The following TRIM3 variants were observed in gnomAD, a reference collection of about 807,000 sequenced individuals.
TRIM3 encodes tripartite motif-containing protein 3.
A neutral mutation model predicts 66.6 loss-of-function variants in TRIM3; 13 were observed. The observed-to-expected ratio is 0.20, with a 90% CI of 0.13 to 0.31. The LOEUF is 0.31. TRIM3 is among the 10% of genes least tolerant of loss of function. TRIM3 has a pLI of 1.00. For missense variants in TRIM3, 711 were observed against 1,020.4 expected (o/e 0.70, Z 4.13); for synonymous variants, 406 against 411.7 (o/e 0.99, Z 0.17).
Position 6,451,572 on chromosome 11 carries a change from C to A in TRIM3, c.1534-134G>T, listed in dbSNP as rs575118326. 1.6e-5 allele frequency: 15 copies of A among 910,484 alleles called. No homozygotes were observed. The South Asian group carries it at 2.5e-4, about 15-fold the overall frequency. 56.4% of individuals were successfully genotyped at this position (910,484 alleles called of 1,614,324 possible). On this transcript the variant is annotated intron_variant, in intron 7 of 11. Transcript: ENST00000345851. ...CAGTCATTCAACAAGCACTTACTGACAAAATCAAACATGGCAGCAGGTCTG... is the reference window on the plus strand; with the variant it reads ...CAGTCATTCAACAAGCACTTACTGAAAAAATCAAACATGGCAGCAGGTCTG...
chr11:6,453,035 T>C (rs1181746976), intron 7 of TRIM3: 4 of 152,230 alleles, frequency 2.6e-5, no homozygotes, highest in Non-Finnish European at 4.4e-5. Context: ...ATTATCACTT[T>C]GCAGCTAAAT....
rs1355063146 is a variant in TRIM3, at chr11:6,450,454, T to C, written c.1941+97A>G. Reference sequence around the variant, plus strand: ...AAATGTGTATTGTTTGAGTGAATGATCTCAAAGGGGAAAAGGAGGAGGTAA... The same window carrying C: ...AAATGTGTATTGTTTGAGTGAATGACCTCAAAGGGGAAAAGGAGGAGGTAA... On this transcript the variant is annotated intron_variant, in intron 10 of 11. Coordinates refer to ENST00000345851, the MANE Select transcript of TRIM3 (RefSeq NM_033278.4). The surrounding 1 kb of genome is among the most constrained non-coding windows in gnomAD (Gnocchi z 4.8). 2.3e-5 allele frequency: 25 copies of C among 1,066,642 alleles called. No homozygotes were observed. The highest frequency in any genetic ancestry group is 3.2e-5 in the Non-Finnish European group (22 of 688,462). 66.1% of individuals were successfully genotyped at this position (1,066,642 alleles called of 1,614,324 possible). A position where few individuals can be genotyped will look rare whatever the true frequency, so the allele number is the denominator to read the frequency against.
At chr11:6,464,311 C>G (rs1414850561) in intron 2 of TRIM3, among the ~76,000 whole-genome samples, 1 of 152,162 alleles carries the variant, frequency 6.6e-6, no homozygotes, top group Non-Finnish European at 1.5e-5. Flanking sequence ...CATATTTTCT[C>G]ATGTCACATG....
At position 6,458,032 on chromosome 11, in the gene TRIM3, G is replaced by A. The variant is rs754197621; in HGVS notation, c.363+33C>T. Reference sequence around the variant, plus strand: ...GCCTCTCCTCCTCCTCCCACCCCAAGTCCCGGCCTCACTGGGCCTCGCTTG... The same window carrying A: ...GCCTCTCCTCCTCCTCCCACCCCAAATCCCGGCCTCACTGGGCCTCGCTTG... On this transcript the variant is annotated intron_variant, in intron 3 of 11. Transcript: ENST00000345851. The surrounding 1 kb of genome is among the most constrained non-coding windows in gnomAD (Gnocchi z 6.2). The A allele has an allele frequency of 6.4e-7, 1 of 1,574,664 alleles. No individual in the cohort carries two copies. The highest frequency in any genetic ancestry group is 1.2e-5 in the South Asian group (1 of 85,364).
chr11:6,473,270 A>C (rs894840823), intron 1 of TRIM3: 8 of 150,074 alleles, frequency 5.3e-5, no homozygotes, highest in African/African-American at 1.7e-4. Context: ...CAGCCTCCAC[A>C]TGAGGCTTTC....
At chr11:6,451,609 CAG>C (rs1849722493) in intron 7 of TRIM3, 171 bp from the exon 8 acceptor site, 2 of 650,588 alleles carry the variant, frequency 3.1e-6, no homozygotes, top group Non-Finnish European at 5.2e-6. Context: ...GGCAATGCAA[CAG>C]AGATATGAAT....
rs1429799800 is a variant in TRIM3, at chr11:6,458,196, T to C, written c.232A>G (p.Asn78Asp). 3.1e-6 allele frequency: 5 copies of C among 1,614,206 alleles called. No individual in the cohort carries two copies. The highest frequency in any genetic ancestry group is 4.2e-6 in the Non-Finnish European group (5 of 1,180,032). Residue 78 changes from asparagine to aspartate, a missense_variant, in exon 3 of 12, where the codon AAC (asparagine) becomes GAC (aspartate). This residue lies in a region of TRIM3 where 149 missense variants were observed against 240.3 expected (regional missense o/e 0.62). Transcript: ENST00000345851. The surrounding 1 kb of genome is among the most constrained non-coding windows in gnomAD (Gnocchi z 6.2). ...ATGAGGCTGCTGATGAAGAAGTTGT[T>C]CTGCAGTGCCGAGACGCCCTGCTCT... ...LPEQGVSALQ[N>D]NFFISSLMEA...
In TRIM3 at chr11:6,457,990, A is replaced by T. The variant is rs1356616584; in HGVS notation, c.363+75T>A. ...CAGAGCAGTACCCTGTCACCCAGCC[A>T]CTCGGCACCCCCCAATGCCTCTCCT... On this transcript the variant is annotated intron_variant, in intron 3 of 11. Coordinates refer to ENST00000345851, the MANE Select transcript of TRIM3 (RefSeq NM_033278.4). This position sits in a 1 kb window ranked among gnomAD's most constrained non-coding sequence, Gnocchi z 4.5. 3.2e-6 allele frequency: 5 copies of T among 1,538,590 alleles called. No individual in the cohort carries two copies. The African/African-American group carries it at 6.8e-5, about 21-fold the overall frequency.
At position 6,457,093 on chromosome 11, in the gene TRIM3, G is replaced by C. The variant is rs1850028816; in HGVS notation, c.697-64C>G. ...CACAGGGGGAGTCTCTGTGATTACT[G>C]AAGTTGTAGCACTGTGGCATAAAAT... On this transcript the variant is annotated intron_variant, in intron 5 of 11. Coordinates refer to ENST00000345851, the MANE Select transcript of TRIM3 (RefSeq NM_033278.4). The surrounding 1 kb of genome is among the most constrained non-coding windows in gnomAD (Gnocchi z 4.5). 4 of 1,545,330 alleles carry C rather than the reference G, an allele frequency of 2.6e-6. No homozygotes were observed. The South Asian group carries it at 4.9e-5, about 19-fold the overall frequency.
intron 1 of TRIM3, among the ~76,000 whole-genome samples, chr11:6,472,439 C>T (rs890271518): frequency 5.9e-5 from 9 of 151,554 alleles, no homozygotes; most frequent in South Asian, 2.1e-4. Context: ...CCTGCCCCCT[C>T]GCCCCCGTAA....
intron 1 of TRIM3, among the ~76,000 whole-genome samples, chr11:6,467,332 C>T (rs1850509869): frequency 6.6e-6 from 1 of 152,026 alleles, no homozygotes; most frequent in Non-Finnish European, 1.5e-5. Flanking sequence ...GAAGAAACAG[C>T]ATGATAAAGG....
chr11:6,450,798 G>T lies in TRIM3; in HGVS notation c.1870+94C>A. ...AGGGAAGTGGGATCTCCAGAGCCAA[G>T]ATATAGGAGGAGAGGGCCTTTACAG... On this transcript the variant is annotated intron_variant, in intron 9 of 11. Coordinates refer to ENST00000345851, the MANE Select transcript of TRIM3 (RefSeq NM_033278.4). This position sits in a 1 kb window ranked among gnomAD's most constrained non-coding sequence, Gnocchi z 4.8. 6.5e-7 allele frequency: 1 copy of T among 1,539,316 alleles called. No homozygotes were observed. The highest frequency in any genetic ancestry group is 8.9e-7 in the Non-Finnish European group (1 of 1,124,414).
chr11:6,459,882 T>C (rs372204401), intron 2 of TRIM3, among the ~76,000 whole-genome samples: 9 of 152,214 alleles, frequency 5.9e-5, no homozygotes, highest in African/African-American at 1.9e-4. Context: ...CTTGTCCTGG[T>C]TGAATTTACT....
At chr11:6,465,855 C>A in intron 1 of TRIM3, 123 bp from the exon 2 acceptor site, 1 of 794,798 alleles carries the variant, frequency 1.3e-6, no homozygotes, top group Non-Finnish European at 2.0e-6. Flanking sequence ...CAAGACAGGG[C>A]AGTGACTGGA....
At position 6,457,030 on chromosome 11, in the gene TRIM3, C is replaced by A; in HGVS notation, c.697-1G>T. The stretch of plus-strand genomic sequence containing the variant: ...GTGTGTCCAGCTGGCTTTGCAACAC[C>A]TGATGAGGGGTAGGGGAGGAGTGGG... On this transcript the variant is annotated splice_acceptor_variant, in intron 5 of 11. Transcript: ENST00000345851. LOFTEE classifies it high-confidence loss of function. This position sits in a 1 kb window ranked among gnomAD's most constrained non-coding sequence, Gnocchi z 4.5. 1 of 1,583,926 alleles carries A rather than the reference C, an allele frequency of 6.3e-7. No individual in the cohort carries two copies. Among genetic ancestry groups the A allele is most frequent in the Non-Finnish European group, 8.6e-7 (1 of 1,164,502 alleles).
intron 1 of TRIM3, among the ~76,000 whole-genome samples, chr11:6,469,533 C>T (rs112489177): frequency 2.8e-4 from 42 of 152,180 alleles, no homozygotes; most frequent in African/African-American, 9.9e-4. Flanking sequence ...GGTCTCAGAG[C>T]CAGACTTTAC....
rs1564968505 is a variant in TRIM3 at position 6,458,231 on chromosome 11, G to A, written c.197C>T (p.Ser66Phe). 6.2e-7 allele frequency: 1 copy of A among 1,614,258 alleles called. No individual in the cohort carries two copies. Among genetic ancestry groups the A allele is most frequent in the Admixed American group, 1.7e-5 (1 of 60,030 alleles). The change falls in exon 3 of 12, where the codon TCC (serine) becomes TTC (phenylalanine). Residue 66 changes from serine to phenylalanine, a missense_variant. Transcript: ENST00000345851. The surrounding 1 kb of genome is among the most constrained non-coding windows in gnomAD (Gnocchi z 6.2). ...CGAGACGCCCTGCTCTGGGAGGATG[G>A]ACGTCTGCCGGCATACTGGACAGGA... ...TLSCPVCRQT[S>F]ILPEQGVSAL... is the part of the protein sequence containing the mutation.
In TRIM3 at chr11:6,449,539, C is replaced by A; in HGVS notation, c.1942-93G>T. Reference sequence around the variant, plus strand: ...TAGGGTGAAGCCCCAGGGCTGAGAACCCCCACCCAGATCTACAGCTACAGC... The same window carrying A: ...TAGGGTGAAGCCCCAGGGCTGAGAAACCCCACCCAGATCTACAGCTACAGC... On this transcript the variant is annotated intron_variant, in intron 10 of 11. Coordinates refer to ENST00000345851, the MANE Select transcript of TRIM3 (RefSeq NM_033278.4). The surrounding 1 kb of genome is among the most constrained non-coding windows in gnomAD (Gnocchi z 5.3). 7.7e-7 allele frequency: 1 copy of A among 1,293,462 alleles called. No individual in the cohort carries two copies. Among genetic ancestry groups the A allele is most frequent in the Non-Finnish European group, 1.1e-6 (1 of 945,568 alleles). 80.1% of individuals were successfully genotyped at this position (1,293,462 alleles called of 1,614,324 possible).
At chr11:6,454,049 G>A (rs1849860126) in intron 7 of TRIM3, among the ~76,000 whole-genome samples, 1 of 152,170 alleles carries the variant, frequency 6.6e-6, no homozygotes, top group Non-Finnish European at 1.5e-5. Context: ...AGAGAGTGGA[G>A]CTATACCAGG....
Sources: allele counts gnomAD v4.1 joint callset (sites outside exome capture counted in the v4.1 genomes callset), GRCh38; gene constraint gnomAD v4.1.1; regional missense constraint gnomAD v4.1.1; non-coding constraint Gnocchi (gnomAD v3.1); transcripts MANE v1.5; gene names NCBI Gene and HGNC (gene_info 2026-07-23, HGNC 2026-07-21).